The following SLC16A7 variants were observed in gnomAD, a reference collection of about 807,000 sequenced individuals.
SLC16A7 encodes the protein solute carrier family 16 member 7.
Under a neutral mutation model 34.9 loss-of-function variants are expected in SLC16A7, and 33 were observed. The ratio of observed to expected loss-of-function variants is 0.94; its 90% CI spans 0.72 to 1.26. The LOEUF is 1.26. Ranked by LOEUF, SLC16A7 falls within the 50% of genes most tolerant of loss-of-function variation. The pLI is 0.00. For missense variants in SLC16A7, 573 were observed against 578.1 expected (o/e 0.99, Z 0.09); for synonymous variants, 201 against 206.6 (o/e 0.97, Z 0.23).
chr12:59,659,105 G>C (rs1162746808), intron 2 of SLC16A7, among the ~76,000 whole-genome samples: 1 of 151,910 alleles, frequency 6.6e-6, no homozygotes, highest in East Asian at 1.9e-4. Flanking sequence ...TGTATGTGGT[G>C]ATCAATTAAA....
At chr12:59,754,598 A>T (rs1360586336) in intron 3 of SLC16A7, among the ~76,000 whole-genome samples, 2 of 152,210 alleles carry the variant, frequency 1.3e-5, no homozygotes, top group Non-Finnish European at 2.9e-5. Context: ...CAGGCTCTGA[A>T]ATTGTGGCAA....
intron 1 of SLC16A7, among the ~76,000 whole-genome samples, chr12:59,597,551 G>C (rs972237980): frequency 2.6e-5 from 4 of 152,200 alleles, no homozygotes; most frequent in Non-Finnish European, 4.4e-5. Flanking sequence ...AATGTGTTGT[G>C]TTACTGGAAC....
chr12:59,621,301 C>T (rs763245955), intron 1 of SLC16A7, among the ~76,000 whole-genome samples: 1 of 151,776 alleles, frequency 6.6e-6, no homozygotes, highest in Non-Finnish European at 1.5e-5. Context: ...TAGAGCAGTC[C>T]TTGAACCCCA....
At chr12:59,616,452 G>A (rs889731583) in intron 1 of SLC16A7, among the ~76,000 whole-genome samples, 1 of 151,870 alleles carries the variant, frequency 6.6e-6, no homozygotes, top group Non-Finnish European at 1.5e-5. Flanking sequence ...ATGTTTTTCT[G>A]CATTTATTTT....
In SLC16A7 at chr12:59,723,668, C is replaced by T. The variant is rs147227791; in HGVS notation, c.217+18650C>T. 7.0e-3 allele frequency among the ~76,000 whole-genome samples: 1,069 copies of T among 152,036 alleles called. 5 individuals carry two copies. Among genetic ancestry groups the T allele is most frequent in the African/African-American group, 0.025 (1,038 of 41,532 alleles). On this transcript the variant is annotated intron_variant, in intron 3 of 5. Coordinates refer to ENST00000547379, the MANE Select transcript of SLC16A7 (RefSeq NM_001270623.2). ...ATTCAAAATTCACTCCTTCCTATAACATGAAATGTGGAAATGTGGGATATT... is the reference window on the plus strand; with the variant it reads ...ATTCAAAATTCACTCCTTCCTATAATATGAAATGTGGAAATGTGGGATATT...
chr12:59,749,025 G>GA (rs1298588149), intron 3 of SLC16A7, among the ~76,000 whole-genome samples: 1 of 152,112 alleles, frequency 6.6e-6, no homozygotes. Context: ...AGACATCACT[G>GA]AAAAAATCAT....
intron 1 of SLC16A7, among the ~76,000 whole-genome samples, chr12:59,653,434 C>T (rs1868385612): frequency 6.6e-6 from 1 of 151,432 alleles, no homozygotes; most frequent in South Asian, 2.1e-4. Flanking sequence ...TGTCACCATA[C>T]CTATACATGA....
chr12:59,609,319 T>C (rs1361057220), intron 1 of SLC16A7, among the ~76,000 whole-genome samples: 2 of 152,244 alleles, frequency 1.3e-5, no homozygotes, highest in East Asian at 3.8e-4. Flanking sequence ...TTGACAAAAA[T>C]CCGTCCTGGT....
chr12:59,645,491 C>T (rs114750443), intron 1 of SLC16A7, among the ~76,000 whole-genome samples: 123 of 152,174 alleles, frequency 8.1e-4, no homozygotes, highest in African/African-American at 2.8e-3. Flanking sequence ...TTCCTGCTGC[C>T]AAGTGAAGAA....
At position 59,719,898 on chromosome 12, in the gene SLC16A7, A is replaced by C. The variant is rs755815258; in HGVS notation, c.217+14880A>C. 2.6e-4 allele frequency: 134 copies of C among 522,440 alleles called. 2 individuals carry two copies. Among genetic ancestry groups the C allele is most frequent in the Middle Eastern group, 1.6e-3 (5 of 3,194 alleles). The allele number at this position is 522,440 out of a possible 1,614,324, so 32.4% of individuals were successfully genotyped here. A position where few individuals can be genotyped will look rare whatever the true frequency, so the allele number is the denominator to read the frequency against. On this transcript the variant is annotated intron_variant, in intron 3 of 5. Coordinates refer to ENST00000547379, the MANE Select transcript of SLC16A7 (RefSeq NM_001270623.2). ...CAAAATAGACAATTTTCCGTGGTCCACTGGAAAGTTGGCATTTATCAGTGG... is the reference window on the plus strand; with the variant it reads ...CAAAATAGACAATTTTCCGTGGTCCCCTGGAAAGTTGGCATTTATCAGTGG...
chr12:59,611,647 C>G (rs143538101), intron 1 of SLC16A7, among the ~76,000 whole-genome samples: 180 of 152,270 alleles, frequency 1.2e-3, no homozygotes, highest in African/African-American at 4.0e-3. Context: ...TCAACTGAGA[C>G]AAGGCAATCC....
chr12:59,618,414 C>T (rs1388892563), intron 1 of SLC16A7, among the ~76,000 whole-genome samples: 3 of 151,850 alleles, frequency 2.0e-5, no homozygotes, highest in Non-Finnish European at 2.9e-5. Context: ...TTACAAATAA[C>T]GTTCTATTCA....
At position 59,756,635 on chromosome 12, in the gene SLC16A7, G is replaced by A. The variant is rs189623834; in HGVS notation, c.218-14584G>A. ...GTGCTGGAGAGGATGTGGAGAAATA[G>A]AAACACTTCTACACTGTTGGTGGGA... is the stretch of plus-strand genomic sequence containing the variant. On this transcript the variant is annotated intron_variant, in intron 3 of 5. Transcript: ENST00000547379. Among the ~76,000 whole-genome samples the A allele has an allele frequency of 7.3e-3, 1,074 of 147,572 alleles. 44 individuals carry two copies. Among genetic ancestry groups the A allele is most frequent in the African/African-American group, 0.023 (889 of 38,522 alleles).
intron 3 of SLC16A7, among the ~76,000 whole-genome samples, chr12:59,758,627 T>C (rs967295343): frequency 6.6e-6 from 1 of 152,118 alleles, no homozygotes; most frequent in African/African-American, 2.4e-5. Context: ...ATCATAATGA[T>C]TACCAGTTTA....
chr12:59,666,642 C>G (rs1479366532), intron 2 of SLC16A7, among the ~76,000 whole-genome samples: 3 of 152,302 alleles, frequency 2.0e-5, no homozygotes, highest in Admixed American at 2.0e-4. Flanking sequence ...CACATACTCT[C>G]TTGCCTGCCA....
intron 1 of SLC16A7, among the ~76,000 whole-genome samples, chr12:59,628,683 TGTGCGC>T (rs1880043714): frequency 6.6e-6 from 1 of 151,796 alleles, no homozygotes; most frequent in Admixed American, 6.6e-5. Context: ...TGCGTGTGTG[TGTGCGC>T]GTATTTTGTC....
At chr12:59,733,328 A>C (rs1410640856) in intron 3 of SLC16A7, among the ~76,000 whole-genome samples, 1 of 152,146 alleles carries the variant, frequency 6.6e-6, no homozygotes, top group Admixed American at 6.5e-5. Flanking sequence ...GTGAGTGAGC[A>C]CTGGGGTCTG....
intron 3 of SLC16A7, among the ~76,000 whole-genome samples, chr12:59,753,333 C>G (rs1879840679): frequency 6.6e-6 from 1 of 151,998 alleles, no homozygotes; most frequent in Non-Finnish European, 1.5e-5. Context: ...GAGTCAAGAC[C>G]CATCAGTGTG....
chr12:59,730,315 T>C (rs545454986), intron 3 of SLC16A7, among the ~76,000 whole-genome samples: 7 of 150,466 alleles, frequency 4.7e-5, no homozygotes, highest in African/African-American at 1.5e-4. Flanking sequence ...GATAGTCTTA[T>C]GTCCACTCTA....
Sources: gnomAD v4.1 joint callset for allele counts (sites outside exome capture counted in the v4.1 genomes callset) on GRCh38, gnomAD v4.1.1 for gene constraint, MANE v1.5 for transcripts, NCBI Gene and HGNC (gene_info 2026-07-23, HGNC 2026-07-21) for gene names.